The following B9D1 variants were observed in gnomAD, a reference collection of about 807,000 sequenced individuals.
The protein encoded by B9D1 is B9 domain containing 1.
A neutral mutation model predicts 26.1 loss-of-function variants in B9D1; 20 were observed. The ratio of observed to expected loss-of-function variants is 0.77; its 90% CI spans 0.54 to 1.12. B9D1 has a LOEUF of 1.12. Among genes scored for constraint, B9D1 ranks in the 50% most tolerant of loss-of-function variants. B9D1 has a pLI of 0.00. For missense variants in B9D1, 260 were observed against 273.7 expected (o/e 0.95, Z 0.35); for synonymous variants, 105 against 103.1 (o/e 1.02, Z -0.11).
In B9D1 at chr17:19,359,815, A is replaced by C. The variant is rs1256302713; in HGVS notation, c.132+505T>G. Among the ~76,000 whole-genome samples the C allele has an allele frequency of 6.6e-6, 1 of 152,234 alleles. No homozygotes were observed. The highest frequency in any genetic ancestry group is 2.4e-5 in the African/African-American group (1 of 41,466). On this transcript the variant is annotated intron_variant, in intron 2 of 6. Coordinates refer to ENST00000261499, the MANE Select transcript of B9D1 (RefSeq NM_015681.6). This position sits in a 1 kb window ranked among gnomAD's most constrained non-coding sequence, Gnocchi z 5.0. ...AAATAAGTTCAGTCTCCTTTTCTTA[A>C]ACTGCTATGAAGATGAAACAAGTGC...
At chr17:19,376,902 T>C (rs1431838622) in intron 1 of B9D1, among the ~76,000 whole-genome samples, 1 of 152,178 alleles carries the variant, frequency 6.6e-6, no homozygotes, top group Non-Finnish European at 1.5e-5. Flanking sequence ...TTTCTATAGA[T>C]AATAACTCTT....
rs1199607727 is a variant in B9D1 at position 19,347,902 on chromosome 17, G to T, written c.245-22C>A. 3 of 1,607,760 alleles carry T rather than the reference G, an allele frequency of 1.9e-6. No individual in the cohort carries two copies. The highest frequency in any genetic ancestry group is 1.3e-5 in the African/African-American group (1 of 74,798). On this transcript the variant is annotated intron_variant, in intron 3 of 6. Coordinates refer to ENST00000261499, the MANE Select transcript of B9D1 (RefSeq NM_015681.6). This position sits in a 1 kb window ranked among gnomAD's most constrained non-coding sequence, Gnocchi z 4.3. ...GGCCCTTGGGAAGGACAAGGCAGGGGGTGGGCACATGAGGACACACAGGGG... is the reference window on the plus strand; with the variant it reads ...GGCCCTTGGGAAGGACAAGGCAGGGTGTGGGCACATGAGGACACACAGGGG...
At chr17:19,334,922 T>C (rs1190676403), downstream of B9D1, 1 of 154,044 alleles carries the variant, frequency 6.5e-6, no homozygotes, top group Non-Finnish European at 1.4e-5. The surrounding 1 kb of genome is among the most constrained non-coding windows in gnomAD (Gnocchi z 4.9). Flanking sequence ...TTTTTTTGGC[T>C]AATATTTTTA....
At chr17:19,362,144 CG>C (rs1911163501) in intron 1 of B9D1, among the ~76,000 whole-genome samples, 1 of 152,172 alleles carries the variant, frequency 6.6e-6, no homozygotes, top group Non-Finnish European at 1.5e-5. Flanking sequence ...TAACTCCACA[CG>C]GGACACAGCG....
chr17:19,375,984 C>T (rs1934401717), intron 1 of B9D1, among the ~76,000 whole-genome samples: 1 of 152,074 alleles, frequency 6.6e-6, no homozygotes, highest in African/African-American at 2.4e-5. Context: ...TGAAACAACC[C>T]AAATGTTCAT....
At chr17:19,339,355 G>C (rs767355824), downstream of B9D1, among the ~76,000 whole-genome samples, 6 of 152,026 alleles carry the variant, frequency 3.9e-5, no homozygotes, top group Non-Finnish European at 8.8e-5. Context: ...CTTTCCCCTA[G>C]AGCTGCTGTC....
intron 1 of B9D1, among the ~76,000 whole-genome samples, chr17:19,368,653 T>C (rs1181143993): frequency 4.6e-5 from 7 of 152,112 alleles, no homozygotes; most frequent in Admixed American, 4.6e-4. Context: ...TTAAAAATCA[T>C]TCATTTGGGG....
chr17:19,340,010 A>G (rs1907769153), downstream of B9D1, among the ~76,000 whole-genome samples: 1 of 135,140 alleles, frequency 7.4e-6, no homozygotes, highest in Non-Finnish European at 1.5e-5. Flanking sequence ...GACTGTCCTC[A>G]TGGAGGGGGT....
At chr17:19,365,569 C>T (rs78386815), upstream of B9D1, among the ~76,000 whole-genome samples, 992 of 152,344 alleles carry the variant, frequency 6.5e-3, 54 homozygotes, top group East Asian at 0.12. The surrounding 1 kb of genome is among the most constrained non-coding windows in gnomAD (Gnocchi z 5.0). Flanking sequence ...CTGGACCCTG[C>T]ACCTCAGGAG....
intron 5 of B9D1, among the ~76,000 whole-genome samples, chr17:19,346,132 G>A (rs1365456712): frequency 2.0e-5 from 3 of 152,230 alleles, no homozygotes; most frequent in Non-Finnish European, 4.4e-5. Context: ...ACCCACTGAT[G>A]GGCACTGCCT....
chr17:19,355,725 T>G (rs2152271711), intron 3 of B9D1, among the ~76,000 whole-genome samples: 1 of 151,956 alleles, frequency 6.6e-6, no homozygotes. Flanking sequence ...TCCCAGCTAC[T>G]CGAGAGGCTG....
At chr17:19,365,114 T>A (rs1362617189), upstream of B9D1, among the ~76,000 whole-genome samples, 3 of 152,214 alleles carry the variant, frequency 2.0e-5, no homozygotes, top group Non-Finnish European at 4.4e-5. This position sits in a 1 kb window ranked among gnomAD's most constrained non-coding sequence, Gnocchi z 5.0. Context: ...AACAGTGGGA[T>A]TGAGTGGCCA....
chr17:19,362,975 C>CG, upstream of B9D1: 1 of 293,906 alleles, frequency 3.4e-6, no homozygotes, highest in Non-Finnish European at 6.9e-6. Context: ...TGGGGAGCAG[C>CG]GCTCCGACTC....
At chr17:19,364,096 A>G (rs2152280178), upstream of B9D1, among the ~76,000 whole-genome samples, 1 of 152,266 alleles carries the variant, frequency 6.6e-6, no homozygotes, top group East Asian at 1.9e-4. This position sits in a 1 kb window ranked among gnomAD's most constrained non-coding sequence, Gnocchi z 4.3. Flanking sequence ...TTGGCCTTTG[A>G]GGCTCGGTGT....
In B9D1 at chr17:19,370,633, C is replaced by T. The variant is rs966603680; in HGVS notation, c.-298+7226G>A. 6.6e-6 allele frequency among the ~76,000 whole-genome samples: 1 copy of T among 152,184 alleles called. No individual in the cohort carries two copies. Among genetic ancestry groups the T allele is most frequent in the Non-Finnish European group, 1.5e-5 (1 of 68,028 alleles). On this transcript the variant is annotated intron_variant, in intron 1 of 5. Coordinates refer to the B9D1 transcript ENST00000477478. This position sits in a 1 kb window ranked among gnomAD's most constrained non-coding sequence, Gnocchi z 5.1. ...TGGTGACAGGATGTGACCAGGTTCCCCCACCCAGGTCTGTGGTCAGCCTGG... is the reference window on the plus strand; with the variant it reads ...TGGTGACAGGATGTGACCAGGTTCCTCCACCCAGGTCTGTGGTCAGCCTGG...
At chr17:19,355,386 G>A (rs944554284) in intron 3 of B9D1, among the ~76,000 whole-genome samples, 2 of 152,014 alleles carry the variant, frequency 1.3e-5, no homozygotes, top group Non-Finnish European at 1.5e-5. Flanking sequence ...AAAATTAGCC[G>A]GACATGGTGG....
intron 3 of B9D1, among the ~76,000 whole-genome samples, chr17:19,353,693 C>T (rs1909970498): frequency 6.6e-6 from 1 of 152,034 alleles, no homozygotes; most frequent in Non-Finnish European, 1.5e-5. Flanking sequence ...GTAATCCCAG[C>T]CCTTTGGGAG....
chr17:19,346,403 C>T (rs1167829351), intron 5 of B9D1, among the ~76,000 whole-genome samples: 5 of 152,248 alleles, frequency 3.3e-5, no homozygotes, highest in South Asian at 2.1e-4. Context: ...CCTGGTCTCA[C>T]GCCCAGTACT....
chr17:19,356,723 G>A (rs1050585380), intron 3 of B9D1, among the ~76,000 whole-genome samples: 2 of 152,214 alleles, frequency 1.3e-5, no homozygotes, highest in Non-Finnish European at 2.9e-5. Context: ...TGGGATTGGG[G>A]TAACCTCTCT....
Sources: allele counts gnomAD v4.1 joint callset (sites outside exome capture counted in the v4.1 genomes callset), GRCh38; gene constraint gnomAD v4.1.1; non-coding constraint Gnocchi (gnomAD v3.1); transcripts MANE v1.5; gene names NCBI Gene and HGNC (gene_info 2026-07-23, HGNC 2026-07-21).